The following GAS7 variants were observed in gnomAD, a reference collection of about 807,000 sequenced individuals.
GAS7 encodes the protein growth arrest specific 7.
A neutral mutation model predicts 71.1 loss-of-function variants in GAS7; 28 were observed. The ratio of observed to expected loss-of-function variants is 0.39; its 90% CI spans 0.29 to 0.54. GAS7 has a LOEUF of 0.54. Among genes scored for constraint, GAS7 ranks in the 20% least tolerant of loss-of-function variants. The pLI, the probability that GAS7 is intolerant of heterozygous loss-of-function variation, is 0.62. For missense variants in GAS7, 436 were observed against 627.8 expected (o/e 0.69, Z 3.27); for synonymous variants, 258 against 245.8 (o/e 1.05, Z -0.46).
intron 1 of GAS7, among the ~76,000 whole-genome samples, chr17:10,084,719 G>A (rs182341096): frequency 2.3e-4 from 35 of 152,224 alleles, no homozygotes; most frequent in Middle Eastern, 6.8e-3. Flanking sequence ...CACGTGCCTC[G>A]GCCTCCCAAA....
At chr17:10,090,914 A>G (rs73273852) in intron 1 of GAS7, among the ~76,000 whole-genome samples, 1,547 of 152,276 alleles carry the variant, frequency 0.01, 15 homozygotes, top group African/African-American at 0.035. Flanking sequence ...AGCCGCTTGA[A>G]AAGTGGGGTT....
intron 8 of GAS7, among the ~76,000 whole-genome samples, chr17:9,938,209 T>C (rs987123713): frequency 6.6e-6 from 1 of 151,976 alleles, no homozygotes; most frequent in African/African-American, 2.4e-5. Flanking sequence ...TTAGTGTCCT[T>C]ATAAAAATAG....
intron 1 of GAS7, among the ~76,000 whole-genome samples, chr17:10,078,421 G>A (rs555351323): frequency 2.6e-5 from 4 of 152,162 alleles, no homozygotes; most frequent in African/African-American, 9.7e-5. Context: ...CTAGTGAAGA[G>A]AGAAGAATTG....
chr17:9,994,998 G>C (rs143313909), intron 2 of GAS7, among the ~76,000 whole-genome samples: 183 of 152,322 alleles, frequency 1.2e-3, no homozygotes, highest in Non-Finnish European at 2.0e-3. Context: ...ACGTGGCAAC[G>C]GAAGAGTCCA....
chr17:10,035,468 A>C (rs1337646008), intron 1 of GAS7, among the ~76,000 whole-genome samples: 2 of 152,164 alleles, frequency 1.3e-5, no homozygotes, highest in Non-Finnish European at 2.9e-5. Flanking sequence ...TAGGTCAACT[A>C]ACCCGTTAGA....
chr17:10,015,718 TTAA>T (rs1234141365), intron 2 of GAS7, among the ~76,000 whole-genome samples: 2 of 152,140 alleles, frequency 1.3e-5, no homozygotes, highest in Non-Finnish European at 2.9e-5. Flanking sequence ...AGCAAAATTA[TTAA>T]TATGATGTTC....
intron 5 of GAS7, 35 bp from the exon 6 acceptor site, chr17:9,947,018 T>TATTCCAGTCTCCAGC: frequency 7.0e-7 from 1 of 1,434,240 alleles, no homozygotes; most frequent in Non-Finnish European, 9.8e-7. Context: ...ATGACCCCGC[T>TATTCCAGTCTCCAGC]GGAGACTGGA....
rs1251242311 is a variant in GAS7, at chr17:9,912,345, G to A, written c.*4883C>T. On this transcript the variant is annotated 3_prime_UTR_variant, in exon 14 of 14. Coordinates refer to ENST00000432992, the MANE Select transcript of GAS7 (RefSeq NM_201433.2). ...ATGAGAAAGGGAGGAGGTACATGCA[G>A]TTGCCGGTGGCCTGAGACACTCATC... 1.3e-5 allele frequency: 3 copies of A among 232,892 alleles called. No homozygotes were observed. In the East Asian group the frequency reaches 1.8e-4, roughly 14 times the overall value. 14.4% of individuals were successfully genotyped at this position (232,892 alleles called of 1,614,324 possible). A position where few individuals can be genotyped will look rare whatever the true frequency, so the allele number is the denominator to read the frequency against.
chr17:10,158,405 G>A (rs1027148102), intron 1 of GAS7, among the ~76,000 whole-genome samples: 27 of 150,124 alleles, frequency 1.8e-4, no homozygotes, highest in Non-Finnish European at 1.3e-4. Context: ...CCAACACTTT[G>A]GGAGGCCGAG....
At chr17:10,129,136 C>A (rs1406507895) in intron 1 of GAS7, among the ~76,000 whole-genome samples, 1 of 152,116 alleles carries the variant, frequency 6.6e-6, no homozygotes, top group Non-Finnish European at 1.5e-5. Context: ...CAAACTGCTG[C>A]GATGAGAGAT....
chr17:9,918,392 C>T (rs1334999511), intron 12 of GAS7, among the ~76,000 whole-genome samples: 1 of 152,232 alleles, frequency 6.6e-6, no homozygotes, highest in Non-Finnish European at 1.5e-5. Context: ...GTTATTATCC[C>T]CATTCTCCAA....
At chr17:10,180,354 G>A (rs2074405297) in intron 1 of GAS7, among the ~76,000 whole-genome samples, 1 of 144,952 alleles carries the variant, frequency 6.9e-6, no homozygotes, top group South Asian at 2.2e-4. Context: ...AAAAAGCTAT[G>A]GAAACTGAGG....
chr17:10,069,319 C>T (rs1369025247), intron 1 of GAS7, among the ~76,000 whole-genome samples: 2 of 152,216 alleles, frequency 1.3e-5, no homozygotes, highest in Non-Finnish European at 2.9e-5. Flanking sequence ...CCACTAAATC[C>T]TCAACAGGTG....
At chr17:10,156,270 T>C (rs924714171) in intron 1 of GAS7, among the ~76,000 whole-genome samples, 10 of 152,324 alleles carry the variant, frequency 6.6e-5, no homozygotes, top group Non-Finnish European at 1.5e-4. Context: ...AGTGTCTCTG[T>C]TGTCCTAGCC....
rs189251964 is a variant in GAS7 at position 10,175,041 on chromosome 17, T to C, written c.183+23167A>G. Among the ~76,000 whole-genome samples, 106 of 152,164 alleles carry C rather than the reference T, an allele frequency of 7.0e-4. 2 individuals carry two copies. Among genetic ancestry groups the C allele is most frequent in the Non-Finnish European group, 1.5e-5 (1 of 68,006 alleles). ...TTTATTTTCTATAGAGATGGGGGTC[T>C]CACTATGTTGCCCAGGCTGGTCTCG... On this transcript the variant is annotated intron_variant, in intron 1 of 13. Transcript: ENST00000432992.
intron 1 of GAS7, among the ~76,000 whole-genome samples, chr17:10,097,412 G>A (rs565836978): frequency 2.6e-4 from 40 of 152,316 alleles, no homozygotes; most frequent in Non-Finnish European, 5.0e-4. Context: ...GCCAGGTATA[G>A]ATCTTACACA....
Position 10,198,448 on chromosome 17 carries a change from G to A in GAS7, c.-58C>T, listed in dbSNP as rs1461194739. The A allele has an allele frequency of 1.5e-6, 2 of 1,318,710 alleles. No individual in the cohort carries two copies. Among genetic ancestry groups the A allele is most frequent in the African/African-American group, 1.6e-5 (1 of 64,260 alleles). The allele number at this position is 1,318,710 out of a possible 1,614,324, so 81.7% of individuals were successfully genotyped here. On this transcript the variant is annotated 5_prime_UTR_variant, in exon 1 of 14. Transcript: ENST00000432992. The stretch of plus-strand genomic sequence containing the variant: ...CATTCCCGCCGAGCCCCACGGGCTG[G>A]GCAGCGGCTCCGCGGGGTCCCAGGC...
At chr17:10,179,831 C>T (rs79921060) in intron 1 of GAS7, among the ~76,000 whole-genome samples, 3,435 of 152,164 alleles carry the variant, frequency 0.023, 129 homozygotes, top group African/African-American at 0.078. Context: ...TTGGGAAGGA[C>T]GCTCCGAGAC....
Position 10,046,849 on chromosome 17 carries a change from GAAA to G in GAS7, c.184-26955_184-26953del, listed in dbSNP as rs1567567301. Among the ~76,000 whole-genome samples, 32 of 127,570 alleles carry G rather than the reference GAAA, an allele frequency of 2.5e-4. 7 individuals carry two copies. The highest frequency in any genetic ancestry group is 9.3e-4 in the African/African-American group (26 of 27,986). The allele number at this position is 127,570 out of a possible 152,430, so 83.7% of individuals were successfully genotyped here. ...GGAAGGAAGGAAGGAAGGAAGGAAAGAAAAGAAAAGAAAAAAGAAAAGAAAAGG... is the reference window on the plus strand; with the variant it reads ...GGAAGGAAGGAAGGAAGGAAGGAAAGAGAAAAGAAAAAAGAAAAGAAAAGG... On this transcript the variant is annotated intron_variant, in intron 1 of 13. Coordinates refer to ENST00000432992, the MANE Select transcript of GAS7 (RefSeq NM_201433.2).
Sources: gnomAD v4.1 joint callset for allele counts (sites outside exome capture counted in the v4.1 genomes callset) on GRCh38, gnomAD v4.1.1 for gene constraint, MANE v1.5 for transcripts, NCBI Gene and HGNC (gene_info 2026-07-23, HGNC 2026-07-21) for gene names.